The following CCDC30 variants were observed in gnomAD, a reference collection of about 807,000 sequenced individuals.
CCDC30 encodes coiled-coil domain-containing protein 30.
A neutral mutation model predicts 100.2 loss-of-function variants in CCDC30; 70 were observed. The observed-to-expected ratio is 0.70, with a 90% CI of 0.58 to 0.85. The LOEUF is 0.85. CCDC30 is among the 40% of genes least tolerant of loss of function. The pLI is 0.00. For missense variants in CCDC30, 652 were observed against 771.2 expected, an observed-to-expected ratio of 0.85 and a Z score of 1.83; for synonymous variants, 233 against 269.5, an observed-to-expected ratio of 0.86 and a Z score of 1.33.
chr1:42,487,025 A>T (rs1054806380), intron 3 of CCDC30, among the ~76,000 whole-genome samples: 1 of 151,368 alleles, frequency 6.6e-6, no homozygotes, highest in African/African-American at 2.4e-5. Context: ...TGTCCCAACT[A>T]CTTGCCACTT....
chr1:42,527,382 C>T (rs1644738151), intron 6 of CCDC30, among the ~76,000 whole-genome samples: 3 of 152,176 alleles, frequency 2.0e-5, no homozygotes, highest in Non-Finnish European at 2.9e-5. Context: ...CACATCCTAG[C>T]TCTTATCAAC....
intron 7 of CCDC30, among the ~76,000 whole-genome samples, chr1:42,567,264 C>A (rs1189142594): frequency 6.6e-6 from 1 of 152,166 alleles, no homozygotes; most frequent in East Asian, 1.9e-4. Flanking sequence ...GCAGCCATAT[C>A]TGTCTGTTTA....
At chr1:42,641,573 A>C (rs935667966) in intron 12 of CCDC30, among the ~76,000 whole-genome samples, 23 of 151,992 alleles carry the variant, frequency 1.5e-4, no homozygotes, top group African/African-American at 5.1e-4. Context: ...AACAAAAAAA[A>C]ACAAAAAAAA....
At chr1:42,495,177 T>C (rs1221337957) in intron 4 of CCDC30, among the ~76,000 whole-genome samples, 1 of 151,098 alleles carries the variant, frequency 6.6e-6, no homozygotes, top group Admixed American at 6.6e-5. Flanking sequence ...TATGCAGCCA[T>C]AAAAAATGAT....
At chr1:42,459,969 A>T, upstream of CCDC30, 1 of 1,533,072 alleles carries the variant, frequency 6.5e-7, no homozygotes, top group Non-Finnish European at 8.7e-7. Context: ...CAGGGCTCTT[A>T]GAGATGGTGA....
intron 4 of CCDC30, 75 bp from the exon 5 acceptor site, chr1:42,497,023 T>G (rs1644242277): frequency 1.4e-6 from 1 of 701,226 alleles, no homozygotes; most frequent in African/African-American, 1.8e-5. Context: ...TAGCACTTCC[T>G]TCGTTTTTAG....
At chr1:42,575,473 G>C (rs1022431554) in intron 7 of CCDC30, among the ~76,000 whole-genome samples, 1 of 151,702 alleles carries the variant, frequency 6.6e-6, no homozygotes, top group African/African-American at 2.4e-5. Context: ...CTTGGTGAAA[G>C]CCTGTCTCTA....
chr1:42,514,192 T>A (rs1644520578), intron 6 of CCDC30, among the ~76,000 whole-genome samples: 1 of 152,244 alleles, frequency 6.6e-6, no homozygotes. Flanking sequence ...TATGAATAAT[T>A]CTGTTATGAA....
intron 6 of CCDC30, among the ~76,000 whole-genome samples, chr1:42,551,222 A>G (rs1205435727): frequency 1.3e-5 from 2 of 151,412 alleles, no homozygotes; most frequent in East Asian, 3.9e-4. Context: ...ATACAGGACT[A>G]GCACTCATGG....
At chr1:42,527,527 A>G (rs905709444) in intron 6 of CCDC30, among the ~76,000 whole-genome samples, 1 of 152,256 alleles carries the variant, frequency 6.6e-6, no homozygotes, top group Non-Finnish European at 1.5e-5. Context: ...TGAGTGAATT[A>G]ATGAGTAAAC....
intron 1 of CCDC30, 40 bp downstream of exon 1, chr1:42,463,938 CTT>C (rs1373857896): frequency 6.6e-6 from 1 of 152,194 alleles, no homozygotes; most frequent in East Asian, 1.9e-4. Context: ...ACTTTTTCCA[CTT>C]CTCTCATCAC....
At chr1:42,530,969 T>C in intron 6 of CCDC30, among the ~76,000 whole-genome samples, 1 of 152,148 alleles carries the variant, frequency 6.6e-6, no homozygotes, top group East Asian at 1.9e-4. Flanking sequence ...TTCTGTTTCT[T>C]ACAAAAAGGA....
upstream of CCDC30, chr1:42,459,942 T>C: frequency 6.3e-7 from 1 of 1,575,482 alleles, no homozygotes; most frequent in Non-Finnish European, 8.6e-7. Context: ...AAAGCCCTTA[T>C]AGGATCAAAA....
intron 10 of CCDC30, among the ~76,000 whole-genome samples, chr1:42,610,533 C>T (rs1646597976): frequency 6.6e-6 from 1 of 152,198 alleles, no homozygotes; most frequent in African/African-American, 2.4e-5. Flanking sequence ...AAGCCATTCT[C>T]CTACTTCAGC....
chr1:42,532,317 T>G (rs6686245), intron 6 of CCDC30, among the ~76,000 whole-genome samples: 151,989 of 152,240 alleles, frequency 1, 75,870 homozygotes, highest in Middle Eastern at 1. Context: ...AAAGGGGAGA[T>G]GGGAGTCCTG....
chr1:42,456,583 G>C, the CCDC30 span: 1 of 1,493,264 alleles, frequency 6.7e-7, no homozygotes, highest in Non-Finnish European at 8.9e-7. Context: ...AAATGGATCC[G>C]GTAGCCGAGT....
chr1:42,524,940 G>A (rs887668419), intron 6 of CCDC30, among the ~76,000 whole-genome samples: 3 of 152,102 alleles, frequency 2.0e-5, no homozygotes, highest in African/African-American at 7.2e-5. Context: ...TGTTTTCACT[G>A]GATATAGAAT....
chr1:42,556,459 G>A, intron 6 of CCDC30, 54 bp downstream of exon 10: 1 of 1,509,000 alleles, frequency 6.6e-7, no homozygotes, highest in Non-Finnish European at 8.8e-7. Context: ...GATTGGCTGT[G>A]GATATAAGCA....
intron 6 of CCDC30, among the ~76,000 whole-genome samples, chr1:42,541,800 T>C (rs542828039): frequency 1.3e-5 from 2 of 152,352 alleles, no homozygotes; most frequent in East Asian, 1.9e-4. Flanking sequence ...GACTTAAAGA[T>C]AGTCTTGCTA....
Sources: gnomAD v4.1 joint callset for allele counts (sites outside exome capture counted in the v4.1 genomes callset) on GRCh38, gnomAD v4.1.1 for gene constraint, MANE v1.5 for transcripts, NCBI Gene and HGNC (gene_info 2026-07-23, HGNC 2026-07-21) for gene names.